CLIP4: variants seen among roughly 807,000 people sequenced by gnomAD.
CLIP4 encodes the protein CAP-Gly domain containing linker protein family member 4, also known as CAP-Gly domain-containing linker protein 4.
A neutral mutation model predicts 73.1 loss-of-function variants in CLIP4; 47 were observed. The observed-to-expected ratio is 0.64, with a 90% CI of 0.51 to 0.82. The LOEUF is 0.82. CLIP4 is among the 40% of genes least tolerant of loss of function. The pLI is 0.00. For synonymous variants in CLIP4, 306 were observed against 295.4 expected (o/e 1.04, Z -0.37); for missense variants, 874 against 852.9 (o/e 1.02, Z -0.31).
intron 13 of CLIP4, among the ~76,000 whole-genome samples, chr2:29,166,551 A>G (rs972920527): frequency 9.9e-5 from 15 of 151,828 alleles, no homozygotes; most frequent in Non-Finnish European, 1.9e-4. Flanking sequence ...ACACACACAC[A>G]CACACACACA....
chr2:29,180,913 G>A (rs1432908573), intron 15 of CLIP4, among the ~76,000 whole-genome samples: 3 of 151,980 alleles, frequency 2.0e-5, no homozygotes, highest in Admixed American at 6.6e-5. Flanking sequence ...CCAGAATGGG[G>A]TAGTCTTAAA....
intron 2 of CLIP4, among the ~76,000 whole-genome samples, chr2:29,121,866 A>G (rs1355360773): frequency 6.6e-6 from 1 of 152,226 alleles, no homozygotes; most frequent in Non-Finnish European, 1.5e-5. Flanking sequence ...TAAAAAAGCC[A>G]TGTACTTAGG....
At chr2:29,144,636 A>G (rs191786580) in intron 7 of CLIP4, among the ~76,000 whole-genome samples, 1 of 151,858 alleles carries the variant, frequency 6.6e-6, no homozygotes, top group East Asian at 1.9e-4. Flanking sequence ...TGCTGCACCC[A>G]TCAACCCGTC....
intron 7 of CLIP4, among the ~76,000 whole-genome samples, chr2:29,144,420 A>T (rs895590264): frequency 2.6e-5 from 4 of 151,842 alleles, no homozygotes; most frequent in African/African-American, 4.8e-5. Context: ...GAGGACTCCT[A>T]CTCCCATCAT....
At chr2:29,169,634 T>A (rs1667875103) in intron 14 of CLIP4, among the ~76,000 whole-genome samples, 2 of 152,130 alleles carry the variant, frequency 1.3e-5, no homozygotes, top group African/African-American at 4.8e-5. Flanking sequence ...ATTGACGTAG[T>A]TGTACATATT....
At chr2:29,164,275 C>G (rs1178277373) in intron 13 of CLIP4, among the ~76,000 whole-genome samples, 7 of 152,216 alleles carry the variant, frequency 4.6e-5, no homozygotes, top group African/African-American at 1.4e-4. Context: ...TAAAAATGCT[C>G]TCTGATTGCT....
chr2:29,116,509 T>G (rs1663851392), intron 1 of CLIP4, among the ~76,000 whole-genome samples: 1 of 152,198 alleles, frequency 6.6e-6, no homozygotes, highest in Non-Finnish European at 1.5e-5. Context: ...GTACTTCACT[T>G]TCACTTTGAC....
intron 1 of CLIP4, among the ~76,000 whole-genome samples, chr2:29,100,597 G>A (rs1362805860): frequency 6.6e-6 from 1 of 151,920 alleles, no homozygotes; most frequent in East Asian, 1.9e-4. Flanking sequence ...GGAAAAAAAT[G>A]CTGTCATATG....
intron 6 of CLIP4, among the ~76,000 whole-genome samples, chr2:29,141,759 T>A (rs1051201985): frequency 6.6e-6 from 1 of 152,162 alleles, no homozygotes; most frequent in Non-Finnish European, 1.5e-5. Context: ...TCTTTTTTTT[T>A]AATCCGATTT....
chr2:29,174,483 A>C, intron 15 of CLIP4, 38 bp downstream of exon 15: 1 of 1,595,736 alleles, frequency 6.3e-7, no homozygotes. Context: ...ACCTTTCAAG[A>C]TGAACATGAT....
chr2:29,163,043 T>C (rs1667391564), intron 12 of CLIP4, among the ~76,000 whole-genome samples: 1 of 152,090 alleles, frequency 6.6e-6, no homozygotes, highest in African/African-American at 2.4e-5. Flanking sequence ...ATACTTCTAA[T>C]TGGTCTTGAG....
intron 1 of CLIP4, among the ~76,000 whole-genome samples, chr2:29,099,254 G>A (rs951246830): frequency 6.6e-6 from 1 of 152,094 alleles, no homozygotes; most frequent in South Asian, 2.1e-4. Flanking sequence ...CTTTGGTGTT[G>A]TATCTAAAAA....
intron 6 of CLIP4, among the ~76,000 whole-genome samples, chr2:29,140,704 A>G (rs1030546988): frequency 2.6e-5 from 4 of 152,116 alleles, no homozygotes; most frequent in Non-Finnish European, 4.4e-5. Context: ...CAACAGTGTA[A>G]AAGTGTTCCT....
Position 29,181,554 on chromosome 2 carries a change from CT to C in CLIP4, c.1797-14del. On this transcript the variant is annotated splice_polypyrimidine_tract_variant and intron_variant, in intron 15 of 15. Coordinates refer to ENST00000320081, the MANE Select transcript of CLIP4 (RefSeq NM_024692.6). Reference sequence around the variant, plus strand: ...CTTCAGCACTAAATAATTTTTCCCACTTTTCCCTTCCGCACAGATCGAAAGC... The same window carrying C: ...CTTCAGCACTAAATAATTTTTCCCACTTTCCCTTCCGCACAGATCGAAAGC... 6.5e-7 allele frequency: 1 copy of C among 1,534,062 alleles called. No homozygotes were observed. The highest frequency in any genetic ancestry group is 8.8e-7 in the Non-Finnish European group (1 of 1,138,508).
At chr2:29,107,014 G>T (rs1336908624) in intron 1 of CLIP4, among the ~76,000 whole-genome samples, 1 of 152,170 alleles carries the variant, frequency 6.6e-6, no homozygotes, top group Non-Finnish European at 1.5e-5. Context: ...TTGTCACAAA[G>T]GAGACTTTCT....
In CLIP4 at chr2:29,133,670, C is replaced by A; in HGVS notation, c.383C>A (p.Ala128Asp). Reference protein sequence around the residue: ...GAHGIGDVETAVKFATQLIDL... With the variant: ...GAHGIGDVETDVKFATQLIDL... ...TCTTCTTTAGGTGATGTGGAAACAG[C>A]TGTAAAATTTGCAACTCAGCTTATT... Residue 128 changes from alanine (A) to aspartate (D), a missense_variant, in exon 5 of 16, where the codon GCT becomes GAT. Transcript: ENST00000320081. The A allele has an allele frequency of 2.5e-6, 4 of 1,608,666 alleles. No individual in the cohort carries two copies. The highest frequency in any genetic ancestry group is 3.4e-6 in the Non-Finnish European group (4 of 1,178,526).
chr2:29,141,432 C>T (rs559028771), intron 6 of CLIP4, among the ~76,000 whole-genome samples: 2 of 152,192 alleles, frequency 1.3e-5, no homozygotes, highest in Admixed American at 6.5e-5. Context: ...TTGAAGTCAC[C>T]CACTATTATT....
At chr2:29,161,280 CTTTCT>C (rs67303808) in intron 12 of CLIP4, among the ~76,000 whole-genome samples, 15,795 of 152,122 alleles carry the variant, frequency 0.1, 893 homozygotes, top group Middle Eastern at 0.17. Flanking sequence ...AGCCAGATTG[CTTTCT>C]TTTGTGTTGT....
chr2:29,158,810 G>A (rs1213483394), intron 11 of CLIP4, among the ~76,000 whole-genome samples: 2 of 152,220 alleles, frequency 1.3e-5, no homozygotes, highest in Non-Finnish European at 1.5e-5. Flanking sequence ...TTGCTGTGTC[G>A]CCCAGGCTGG....
Sources: allele counts gnomAD v4.1 joint callset (sites outside exome capture counted in the v4.1 genomes callset), GRCh38; gene constraint gnomAD v4.1.1; transcripts MANE v1.5; gene names NCBI Gene and HGNC (gene_info 2026-07-23, HGNC 2026-07-21).